The following CUBN variants were observed in gnomAD, a reference collection of about 807,000 sequenced individuals.
CUBN encodes the protein 460 kDa receptor.
A neutral mutation model predicts 405.3 loss-of-function variants in CUBN; 282 were observed. The ratio of observed to expected loss-of-function variants is 0.70; its 90% CI spans 0.63 to 0.77. The LOEUF (loss-of-function observed/expected upper bound fraction) is 0.77, where lower values mean the gene tolerates loss of function less well. CUBN is among the 30% of genes least tolerant of loss of function. The probability of loss-of-function intolerance (pLI) is 0.00; values close to 1 mark genes in which losing one functional copy is unlikely to be tolerated. For missense variants in CUBN, 4,514 were observed against 4,475.2 expected (o/e 1.01, Z -0.25); for synonymous variants, 1,684 against 1,617.0 (o/e 1.04, Z -0.99).
At chr10:16,837,272 T>C (rs1839200078) in intron 62 of CUBN, among the ~76,000 whole-genome samples, 1 of 151,838 alleles carries the variant, frequency 6.6e-6, no homozygotes, top group East Asian at 2.0e-4. Context: ...TCTTTACCCA[T>C]GCTCCACAGT....
intron 28 of CUBN, among the ~76,000 whole-genome samples, chr10:16,992,750 T>C (rs568765806): frequency 6.6e-6 from 1 of 152,304 alleles, no homozygotes; most frequent in South Asian, 2.1e-4. Flanking sequence ...TTTAAATGTA[T>C]TGCACAGAGC....
intron 14 of CUBN, 23 bp from the exon 15 acceptor site, chr10:17,088,368 T>C: frequency 1.3e-6 from 2 of 1,577,308 alleles, no homozygotes; most frequent in Non-Finnish European, 1.7e-6. Flanking sequence ...GGAAAAATAA[T>C]GTTACATTTG....
intron 31 of CUBN, among the ~76,000 whole-genome samples, chr10:16,960,353 G>A (rs1324100590): frequency 2.0e-5 from 3 of 152,098 alleles, no homozygotes; most frequent in African/African-American, 4.8e-5. Flanking sequence ...TTAGCCAGGC[G>A]TAGTGACGTG....
chr10:16,977,033 C>T (rs1833119902), intron 31 of CUBN, among the ~76,000 whole-genome samples: 1 of 152,136 alleles, frequency 6.6e-6, no homozygotes, highest in Non-Finnish European at 1.5e-5. Flanking sequence ...TGCCAGGTAA[C>T]TTTACTATCT....
At chr10:16,949,775 T>A (rs2131624647) in intron 34 of CUBN, among the ~76,000 whole-genome samples, 1 of 152,302 alleles carries the variant, frequency 6.6e-6, no homozygotes, top group East Asian at 1.9e-4. Flanking sequence ...TTTTAAAACA[T>A]ATACACAAAC....
chr10:17,084,841 C>A (rs191138312), intron 16 of CUBN, among the ~76,000 whole-genome samples: 17 of 152,046 alleles, frequency 1.1e-4, no homozygotes, highest in African/African-American at 4.1e-4. Context: ...AAAATGAATA[C>A]AGAATAGCAA....
At chr10:16,858,548 C>T (rs552637234) in intron 59 of CUBN, among the ~76,000 whole-genome samples, 4 of 150,190 alleles carry the variant, frequency 2.7e-5, no homozygotes, top group Admixed American at 1.3e-4. Flanking sequence ...TCTTGAACTC[C>T]TGGCCTCAAG....
At chr10:17,014,517 G>A (rs895688775) in intron 28 of CUBN, among the ~76,000 whole-genome samples, 4 of 152,164 alleles carry the variant, frequency 2.6e-5, no homozygotes, top group Non-Finnish European at 5.9e-5. Context: ...AATGTCTTAG[G>A]GTGAGCATAA....
chr10:16,836,416 TTA>T, intron 62 of CUBN, 34 bp from the exon 63 acceptor site: 2 of 1,605,324 alleles, frequency 1.2e-6, no homozygotes, highest in Non-Finnish European at 1.7e-6. Context: ...CATGTTAGAT[TTA>T]GTCTTAGAAG....
At chr10:16,840,799 A>C in intron 61 of CUBN, 86 bp downstream of exon 61, 1 of 1,226,038 alleles carries the variant, frequency 8.2e-7, no homozygotes, top group Non-Finnish European at 1.2e-6. Flanking sequence ...TAACATTGAA[A>C]TTTCGATATA....
intron 31 of CUBN, among the ~76,000 whole-genome samples, chr10:16,962,543 G>A (rs1218002655): frequency 6.6e-6 from 1 of 152,058 alleles, no homozygotes; most frequent in Admixed American, 6.5e-5. Flanking sequence ...CTGGCGTATG[G>A]GATAGACCTC....
intron 40 of CUBN, among the ~76,000 whole-genome samples, chr10:16,932,286 G>A (rs1039193783): frequency 5.9e-5 from 9 of 152,144 alleles, no homozygotes; most frequent in Admixed American, 3.9e-4. Flanking sequence ...AGACAAACAC[G>A]TTTCTTTTTG....
intron 52 of CUBN, 117 bp from the exon 53 acceptor site, chr10:16,900,967 T>C (rs1387284278): frequency 1.2e-6 from 1 of 806,336 alleles, no homozygotes; most frequent in African/African-American, 1.7e-5. Context: ...TTTTGTCTCT[T>C]ATTTAATTCT....
chr10:16,831,523 CT>C, intron 64 of CUBN, 106 bp from the exon 65 acceptor site: 2 of 1,040,842 alleles, frequency 1.9e-6, no homozygotes, highest in Non-Finnish European at 3.0e-6. Context: ...AAAGCTTTGT[CT>C]TTTTATACAG....
In CUBN at chr10:16,920,092, T is replaced by C. The variant is rs1490190249; in HGVS notation, c.6692A>G (p.Tyr2231Cys). 6 of 1,613,858 alleles carry C rather than the reference T, an allele frequency of 3.7e-6. No individual in the cohort carries two copies. Among genetic ancestry groups the C allele is most frequent in the Non-Finnish European group, 4.2e-6 (5 of 1,179,976 alleles). ...VYIHDADSAG[Y>C]VTSPNHPHNY... is the part of the protein sequence containing the mutation. ...ATGAGGGTGGTTGGGGGAGGTCACA[T>C]ACCCAGCAGAATCAGCATCATGGAT... Residue 2231 changes from tyrosine (Y) to cysteine (C), a missense_variant, in exon 44 of 67, where the codon TAT becomes TGT. Tyr to Cys is a radical substitution (Grantham distance 194). Around this residue, in one of 5 missense-constraint regions of CUBN, gnomAD observed 1,613 missense variants for 1,542.8 expected, o/e 1.05. Transcript: ENST00000377833.
At chr10:16,985,234 G>A (rs1322933562) in intron 29 of CUBN, among the ~76,000 whole-genome samples, 1 of 152,210 alleles carries the variant, frequency 6.6e-6, no homozygotes, top group Non-Finnish European at 1.5e-5. Context: ...GGCTCCACGA[G>A]CAGATGGGCA....
intron 56 of CUBN, among the ~76,000 whole-genome samples, chr10:16,879,216 G>A (rs922366255): frequency 4.6e-5 from 7 of 152,312 alleles, no homozygotes; most frequent in Middle Eastern, 3.4e-3. Context: ...CTGCAGGGAT[G>A]CCAACATTTG....
intron 39 of CUBN, among the ~76,000 whole-genome samples, chr10:16,934,177 C>T (rs1294712458): frequency 1.3e-5 from 2 of 152,130 alleles, no homozygotes; most frequent in African/African-American, 4.8e-5. Flanking sequence ...GAGAATGCCA[C>T]AAAAATGACT....
At chr10:16,911,780 T>G (rs1841742982) in intron 48 of CUBN, among the ~76,000 whole-genome samples, 1 of 152,208 alleles carries the variant, frequency 6.6e-6, no homozygotes, top group Admixed American at 6.5e-5. Flanking sequence ...TAGTAATACA[T>G]GAGTAGAATT....
Sources: allele counts gnomAD v4.1 joint callset (sites outside exome capture counted in the v4.1 genomes callset), GRCh38; gene constraint gnomAD v4.1.1; regional missense constraint gnomAD v4.1.1; transcripts MANE v1.5; gene names NCBI Gene and HGNC (gene_info 2026-07-23, HGNC 2026-07-21).